ICA1L: variants seen among roughly 807,000 people sequenced by gnomAD.
The protein encoded by ICA1L is islet cell autoantigen 1-like protein.
Under a neutral mutation model 61.3 loss-of-function variants are expected in ICA1L, and 50 were observed. The observed-to-expected ratio is 0.82, with a 90% confidence interval of 0.65 to 1.03. The LOEUF (loss-of-function observed/expected upper bound fraction) is 1.03. Ranked by LOEUF, ICA1L falls within the 50% of genes least tolerant of loss-of-function variation. The pLI is 0.00. For synonymous variants in ICA1L, 161 were observed against 191.3 expected, an observed-to-expected ratio of 0.84 and a Z score of 1.31; for missense variants, 508 against 556.7, an observed-to-expected ratio of 0.91 and a Z score of 0.88.
chr2:202,825,397 G>T, intron 3 of ICA1L: 1 of 373,234 alleles, frequency 2.7e-6, no homozygotes, highest in Non-Finnish European at 4.1e-6. Context: ...TTGAGCCCAG[G>T]TGGTGGAGAC....
chr2:202,848,630 A>C (rs1694530448), intron 1 of ICA1L, among the ~76,000 whole-genome samples: 1 of 152,194 alleles, frequency 6.6e-6, no homozygotes, highest in Non-Finnish European at 1.5e-5. Context: ...CAGACCCCTG[A>C]TCTCAGCCAT....
chr2:202,800,046 T>G (rs1693046912), intron 9 of ICA1L, among the ~76,000 whole-genome samples: 1 of 151,046 alleles, frequency 6.6e-6, no homozygotes, highest in Non-Finnish European at 1.5e-5. Flanking sequence ...GTCAGCTAAG[T>G]TTTTTTTTGT....
chr2:202,850,230 C>T (rs1185191938), intron 1 of ICA1L, among the ~76,000 whole-genome samples: 1 of 152,036 alleles, frequency 6.6e-6, no homozygotes, highest in Non-Finnish European at 1.5e-5. Context: ...AAACAGAATG[C>T]CTCTTCTCCT....
intron 9 of ICA1L, among the ~76,000 whole-genome samples, chr2:202,805,122 T>C (rs1480602419): frequency 6.6e-6 from 1 of 152,080 alleles, no homozygotes; most frequent in Non-Finnish European, 1.5e-5. Flanking sequence ...CAAGACCACA[T>C]ATTAGATGAT....
intron 1 of ICA1L, among the ~76,000 whole-genome samples, chr2:202,834,484 C>G (rs1694093609): frequency 6.6e-6 from 1 of 151,968 alleles, no homozygotes; most frequent in South Asian, 2.1e-4. Context: ...CAAAAATTAG[C>G]TGGGCGTGGT....
At chr2:202,844,177 A>G (rs1574373627) in intron 1 of ICA1L, 1 of 152,188 alleles carries the variant, frequency 6.6e-6, no homozygotes, top group African/African-American at 2.4e-5. Flanking sequence ...GGATTGGTGT[A>G]CCAGCCTCAG....
intron 1 of ICA1L, among the ~76,000 whole-genome samples, chr2:202,851,150 A>C: frequency 6.6e-6 from 1 of 151,676 alleles, no homozygotes; most frequent in African/African-American, 2.4e-5. Flanking sequence ...TCCTAATGCT[A>C]TCCCTCCCCA....
intron 2 of ICA1L, among the ~76,000 whole-genome samples, chr2:202,827,040 T>G (rs1424342682): frequency 1.3e-5 from 2 of 152,190 alleles, no homozygotes; most frequent in East Asian, 3.9e-4. Context: ...GAAGTGCATT[T>G]GGTATCTGGA....
intron 9 of ICA1L, among the ~76,000 whole-genome samples, chr2:202,799,832 G>A (rs1693040017): frequency 6.6e-6 from 1 of 151,278 alleles, no homozygotes; most frequent in South Asian, 2.1e-4. Context: ...TTCTACATGG[G>A]GCTATTAAGG....
intron 1 of ICA1L, among the ~76,000 whole-genome samples, chr2:202,858,292 T>G (rs1355123877): frequency 6.6e-6 from 1 of 152,102 alleles, no homozygotes; most frequent in Non-Finnish European, 1.5e-5. Context: ...ATGCAGCCAT[T>G]AAAAAAGAAT....
chr2:202,787,667 G>A (rs1382653561), intron 11 of ICA1L, among the ~76,000 whole-genome samples: 2 of 152,214 alleles, frequency 1.3e-5, no homozygotes, highest in African/African-American at 4.8e-5. Context: ...TGGGATGCTT[G>A]TAGATAGAGC....
Position 202,863,217 on chromosome 2 carries a change from G to A in ICA1L, c.-8+8402C>T, listed in dbSNP as rs796343535. Among the ~76,000 whole-genome samples the A allele has an allele frequency of 1.1e-4, 16 of 152,118 alleles. No individual in the cohort carries two copies. In the East Asian group the frequency reaches 1.9e-3, roughly 18 times the overall value. On this transcript the variant is annotated intron_variant, in intron 1 of 12. Transcript: ENST00000358299. ...TGAGGCAGGAGAATCAGTTGAACCC[G>A]GGAGGCGGAGGTTGCAATGAGCCAA... is the stretch of plus-strand genomic sequence containing the variant.
At position 202,819,884 on chromosome 2, in the gene ICA1L, A is replaced by G. The variant is rs751007352; in HGVS notation, c.375T>C (p.Thr125=). ...SSAKQRLALC[T]PLSRLKQEVA... ...CTTCTTGCTTCAGACGAGACAGAGG[A>G]GTACACAGGGCCAATCTAATGGCAG... Residue 125 remains threonine (T), a synonymous_variant, in exon 5 of 13, where the codon ACT becomes ACC. Transcript: ENST00000358299. 3.7e-5 allele frequency: 59 copies of G among 1,613,836 alleles called. No homozygotes were observed. The highest frequency in any genetic ancestry group is 4.8e-5 in the Non-Finnish European group (57 of 1,179,880).
At chr2:202,870,534 C>T (rs944474417) in intron 1 of ICA1L, 3 of 152,254 alleles carry the variant, frequency 2.0e-5, no homozygotes, top group East Asian at 1.9e-4. Context: ...ACATACCATT[C>T]GGAGATGTTT....
At chr2:202,821,231 G>A in intron 4 of ICA1L, 127 bp downstream of exon 4, 1 of 766,064 alleles carries the variant, frequency 1.3e-6, no homozygotes, top group Non-Finnish European at 2.0e-6. Flanking sequence ...CAACATAACT[G>A]TGATATATTT....
intron 1 of ICA1L, among the ~76,000 whole-genome samples, chr2:202,847,174 G>A (rs180709126): frequency 6.6e-6 from 1 of 152,264 alleles, no homozygotes; most frequent in East Asian, 1.9e-4. Context: ...CCATATTCCA[G>A]ACATAATCTA....
rs1692128461 is a variant in ICA1L, at chr2:202,773,807, G to A, written c.*5726C>T. On this transcript the variant is annotated 3_prime_UTR_variant, in exon 13 of 13. Transcript: ENST00000358299. ...GTATGGTAATAGGCAAGAGCAGGCT[G>A]TAAAAGCAAAGGCTAGCTGTGCAAG... The A allele has an allele frequency of 7.2e-7, 1 of 1,397,326 alleles. No homozygotes were observed. The highest frequency in any genetic ancestry group is 1.0e-6 in the Non-Finnish European group (1 of 985,396). 86.6% of individuals were successfully genotyped at this position (1,397,326 alleles called of 1,614,324 possible).
At position 202,808,113 on chromosome 2, in the gene ICA1L, T is replaced by C. The variant is rs147560356; in HGVS notation, c.910+3633A>G. ...AGGAGAGGAAAGAGTAAAGGAACTT[T>C]TTATTGCAGCTTGGGCACCAGCTTG... On this transcript the variant is annotated intron_variant, in intron 9 of 12. Transcript: ENST00000358299. 3.2e-4 allele frequency among the ~76,000 whole-genome samples: 49 copies of C among 152,182 alleles called. 1 individual carries two copies. Among genetic ancestry groups the C allele is most frequent in the Admixed American group, 9.8e-4 (15 of 15,298 alleles).
At position 202,821,292 on chromosome 2, in the gene ICA1L, T is replaced by G. The variant is rs923899724; in HGVS notation, c.359+66A>C. The G allele has an allele frequency of 1.8e-5, 27 of 1,528,024 alleles. No homozygotes were observed. The African/African-American group carries it at 3.5e-4, about 20-fold the overall frequency. 94.7% of individuals were successfully genotyped at this position (1,528,024 alleles called of 1,614,324 possible). ...CAGTGACCTTTACAAATATGCAAAT[T>G]TAAGTACACATGTCAAAACTGTCAG... On this transcript the variant is annotated intron_variant, in intron 4 of 12. Transcript: ENST00000358299.
Sources: gnomAD v4.1 joint callset for allele counts (sites outside exome capture counted in the v4.1 genomes callset) on GRCh38, gnomAD v4.1.1 for gene constraint, MANE v1.5 for transcripts, NCBI Gene and HGNC (gene_info 2026-07-23, HGNC 2026-07-21) for gene names.